The following MYZAP variants were observed in gnomAD, a reference collection of about 807,000 sequenced individuals.
MYZAP encodes GRINL1A complex locus upstream.
A neutral mutation model predicts 69.4 loss-of-function variants in MYZAP; 66 were observed. The ratio of observed to expected loss-of-function variants is 0.95; its 90% CI spans 0.78 to 1.17. The LOEUF (loss-of-function observed/expected upper bound fraction) is 1.17. Among genes scored for constraint, MYZAP ranks in the 50% most tolerant of loss-of-function variants. MYZAP has a pLI of 0.00. For synonymous variants in MYZAP, 256 were observed against 205.9 expected, an observed-to-expected ratio of 1.24 and a Z score of -2.09; for missense variants, 611 against 556.2, an observed-to-expected ratio of 1.10 and a Z score of -0.99.
intron 2 of MYZAP, among the ~76,000 whole-genome samples, chr15:57,612,050 A>T (rs1049592041): frequency 6.6e-6 from 1 of 152,244 alleles, no homozygotes; most frequent in Non-Finnish European, 1.5e-5. Flanking sequence ...CCTGGGCCAA[A>T]TAATTTGCTG....
chr15:57,672,035 A>C (rs1426551704), intron 11 of MYZAP, among the ~76,000 whole-genome samples: 1 of 152,206 alleles, frequency 6.6e-6, no homozygotes, highest in Non-Finnish European at 1.5e-5. Flanking sequence ...CCTGTCTGTG[A>C]TGCTGATGGC....
At chr15:57,648,479 A>G (rs549546969) in intron 10 of MYZAP, 50 of 985,176 alleles carry the variant, frequency 5.1e-5, no homozygotes, top group Middle Eastern at 1.0e-3. Flanking sequence ...AAGGCTATGC[A>G]TATGGATGTC....
chr15:57,681,820 A>G (rs1844845497), intron 12 of MYZAP, among the ~76,000 whole-genome samples: 1 of 151,958 alleles, frequency 6.6e-6, no homozygotes, highest in African/African-American at 2.4e-5. Flanking sequence ...AGAAGCCTGT[A>G]TAATAGTGAT....
At chr15:57,630,924 G>A (rs1328365397) in intron 6 of MYZAP, among the ~76,000 whole-genome samples, 2 of 152,142 alleles carry the variant, frequency 1.3e-5, no homozygotes, top group African/African-American at 4.8e-5. Flanking sequence ...GGAAGTGTGG[G>A]CCCCTTCACA....
At chr15:57,633,235 G>A (rs146168162) in intron 7 of MYZAP, among the ~76,000 whole-genome samples, 30 of 152,244 alleles carry the variant, frequency 2.0e-4, no homozygotes, top group African/African-American at 6.0e-4. Flanking sequence ...TATGGGAGAA[G>A]GATCTGGGAA....
chr15:57,668,661 A>T (rs940766252), intron 11 of MYZAP, among the ~76,000 whole-genome samples: 2 of 152,054 alleles, frequency 1.3e-5, no homozygotes, highest in African/African-American at 4.8e-5. Context: ...GAATCTTTTC[A>T]TATGCTTTTT....
intron 12 of MYZAP, among the ~76,000 whole-genome samples, chr15:57,676,693 C>A (rs2039154818): frequency 6.6e-6 from 1 of 151,936 alleles, no homozygotes; most frequent in Non-Finnish European, 1.5e-5. Context: ...ATGTCTGAAA[C>A]CAATAAATTG....
chr15:57,593,149 T>C (rs1229890926), intron 1 of MYZAP, among the ~76,000 whole-genome samples: 3 of 111,168 alleles, frequency 2.7e-5, no homozygotes, highest in African/African-American at 7.0e-5. Flanking sequence ...GGTGTGTGTG[T>C]GCGTGCACTC....
chr15:57,644,754 C>T (rs756354912), intron 10 of MYZAP, among the ~76,000 whole-genome samples: 3 of 152,236 alleles, frequency 2.0e-5, no homozygotes, highest in Non-Finnish European at 4.4e-5. Context: ...GCGTGAGCCA[C>T]TACACCTGGC....
Position 57,682,871 on chromosome 15 carries a change from C to G in MYZAP, c.1305-1531C>G, listed in dbSNP as rs74017911. Among the ~76,000 whole-genome samples, 690 of 152,286 alleles carry G rather than the reference C, an allele frequency of 4.5e-3. 5 individuals carry two copies. The highest frequency in any genetic ancestry group is 0.016 in the African/African-American group (669 of 41,568). On this transcript the variant is annotated intron_variant, in intron 12 of 12. Transcript: ENST00000267853. ...CCCCGCTTTGCCCGCTTGATGAGTG[C>G]TAGGCATCCTTCAAGATTCACCTTC...
chr15:57,649,982 G>A (rs1008453249), intron 10 of MYZAP, among the ~76,000 whole-genome samples: 3 of 152,118 alleles, frequency 2.0e-5, no homozygotes, highest in African/African-American at 7.2e-5. Context: ...CATCTATTTT[G>A]TTTGTGGTTG....
At chr15:57,625,949 T>C (rs2036110550) in intron 5 of MYZAP, 57 bp downstream of exon 5, 1 of 1,494,344 alleles carries the variant, frequency 6.7e-7, no homozygotes, top group Non-Finnish European at 9.3e-7. Flanking sequence ...GAGTGGGGAC[T>C]GTGCCTTTGC....
intron 4 of MYZAP, 131 bp downstream of exon 4, chr15:57,621,831 T>A: frequency 1.3e-6 from 1 of 773,892 alleles, no homozygotes; most frequent in Non-Finnish European, 1.9e-6. Context: ...TTAAATAAAC[T>A]GAGAAAATTT....
At chr15:57,611,027 T>G (rs2035074137) in intron 2 of MYZAP, among the ~76,000 whole-genome samples, 1 of 151,786 alleles carries the variant, frequency 6.6e-6, no homozygotes, top group Admixed American at 6.6e-5. Context: ...ACATGTAGAG[T>G]TGAGTAGGAA....
In MYZAP at chr15:57,648,498, A is replaced by G. The variant is rs146046204; in HGVS notation, c.1119+8953A>G. On this transcript the variant is annotated intron_variant, in intron 10 of 12. Transcript: ENST00000267853. ...CTATGCATATGGATGTCACATTCCCATGTCAATCATCTCTGGAAGGTATTA... is the reference window on the plus strand; with the variant it reads ...CTATGCATATGGATGTCACATTCCCGTGTCAATCATCTCTGGAAGGTATTA... 28 of 984,320 alleles carry G rather than the reference A, an allele frequency of 2.8e-5. No homozygotes were observed. In the Admixed American group the frequency reaches 3.7e-4, roughly 13 times the overall value. The allele number at this position is 984,320 out of a possible 1,614,324, so 61.0% of individuals were successfully genotyped here.
rs56102709 is a variant in MYZAP at position 57,678,041 on chromosome 15, CAAAAAAAA to C, written c.1304+2987_1304+2994del. Among the ~76,000 whole-genome samples, 112 of 116,218 alleles carry C rather than the reference CAAAAAAAA, an allele frequency of 9.6e-4. 2 individuals carry two copies. Among genetic ancestry groups the C allele is most frequent in the Admixed American group, 7.8e-3 (91 of 11,680 alleles). 76.2% of individuals were successfully genotyped at this position (116,218 alleles called of 152,430 possible). A position where few individuals can be genotyped will look rare whatever the true frequency, so the allele number is the denominator to read the frequency against. ...CCACATAGCAGGACCTTATCTCTAC[CAAAAAAAA>C]AAAAAAAAAAAAAGAAAAGAAATAA... On this transcript the variant is annotated intron_variant, in intron 12 of 12. Transcript: ENST00000267853.
chr15:57,603,007 A>C (rs1232300971), intron 1 of MYZAP, among the ~76,000 whole-genome samples: 1 of 152,174 alleles, frequency 6.6e-6, no homozygotes, highest in Non-Finnish European at 1.5e-5. Flanking sequence ...GAATATGATA[A>C]ATCACACAAA....
chr15:57,661,391 A>G, intron 10 of MYZAP, 59 bp from the exon 11 acceptor site: 1 of 1,287,176 alleles, frequency 7.8e-7, no homozygotes, highest in Non-Finnish European at 1.1e-6. Context: ...CAGTTGATAA[A>G]CCTGTACTTA....
intron 2 of MYZAP, among the ~76,000 whole-genome samples, chr15:57,609,028 C>A (rs1192302757): frequency 6.6e-6 from 1 of 152,200 alleles, no homozygotes. Context: ...CAGGCTGCCC[C>A]TTTCACTTGG....
Sources: gnomAD v4.1 joint callset for allele counts (sites outside exome capture counted in the v4.1 genomes callset) on GRCh38, gnomAD v4.1.1 for gene constraint, MANE v1.5 for transcripts, NCBI Gene and HGNC (gene_info 2026-07-23, HGNC 2026-07-21) for gene names.